FNBP4: variants seen among roughly 807,000 people sequenced by gnomAD.
The protein encoded by FNBP4 is formin-binding protein 4.
FNBP4 carries 34 observed loss-of-function variants against 119.3 expected under a neutral mutation model. The observed-to-expected ratio is 0.28, with a 90% CI of 0.22 to 0.38. The LOEUF is 0.38. FNBP4 is among the 10% of genes least tolerant of loss of function. The probability of loss-of-function intolerance (pLI) is 1.00; values close to 1 mark genes in which losing one functional copy is unlikely to be tolerated. For missense variants in FNBP4, 1,112 were observed against 1,228.9 expected (o/e 0.90, Z 1.42); for synonymous variants, 462 against 430.6 (o/e 1.07, Z -0.90).
intron 8 of FNBP4, among the ~76,000 whole-genome samples, chr11:47,739,804 G>A (rs1565140059): frequency 6.6e-6 from 1 of 152,104 alleles, no homozygotes; most frequent in Non-Finnish European, 1.5e-5. Flanking sequence ...TGAGATGGGA[G>A]TTTTGCTCTT....
At position 47,753,046 on chromosome 11, in the gene FNBP4, T is replaced by C; in HGVS notation, c.507A>G (p.Pro169=). The change falls in exon 4 of 17, where the codon CCA becomes CCG. Residue 169 remains proline, a synonymous_variant. Coordinates refer to ENST00000263773, the MANE Select transcript of FNBP4 (RefSeq NM_015308.5). Reference sequence around the variant, plus strand: ...GCTCTGGTCGAGGTGGAGTTGGAGGTGGAGCAGAAGCTCCTACAGGAGCTG... The same window carrying C: ...GCTCTGGTCGAGGTGGAGTTGGAGGCGGAGCAGAAGCTCCTACAGGAGCTG... The part of the protein sequence containing the change: ...QPAAPVGASA[P]PPTPPRPEPK... The C allele has an allele frequency of 6.2e-7, 1 of 1,614,058 alleles. No homozygotes were observed. Among genetic ancestry groups the C allele is most frequent in the Non-Finnish European group, 8.5e-7 (1 of 1,180,000 alleles).
chr11:47,743,722 G>GACTCTGAAT (rs1333542943), intron 8 of FNBP4: 1 of 537,472 alleles, frequency 1.9e-6, no homozygotes, highest in Non-Finnish European at 3.3e-6. Context: ...AATGGGACTG[G>GACTCTGAAT]ACTCTGAATA....
chr11:47,746,454 AC>A (rs1397499015), intron 6 of FNBP4, 60 bp from the exon 7 acceptor site: 2 of 1,336,944 alleles, frequency 1.5e-6, no homozygotes, highest in African/African-American at 1.5e-5. Flanking sequence ...ACCTGCACAT[AC>A]ATTCAATTGC....
At chr11:47,734,626 G>GAGAC (rs539066953) in intron 9 of FNBP4, among the ~76,000 whole-genome samples, 111 of 152,258 alleles carry the variant, frequency 7.3e-4, no homozygotes, top group African/African-American at 2.3e-3. Flanking sequence ...CTAGGGGCTG[G>GAGAC]AGACAGGGGA....
Position 47,762,129 on chromosome 11 carries a change from C to T in FNBP4, c.313+3141G>A, listed in dbSNP as rs543701451. The stretch of plus-strand genomic sequence containing the variant: ...CTGGGATTAGAGGCGTGAGGCACAG[C>T]GTCTGGCTGTTTTTTTTTTTTGAGA... On this transcript the variant is annotated intron_variant, in intron 2 of 16. Transcript: ENST00000263773. Among the ~76,000 whole-genome samples the T allele has an allele frequency of 7.8e-5, 11 of 140,566 alleles. No homozygotes were observed. In the East Asian group the frequency reaches 1.9e-3, roughly 25 times the overall value. 92.2% of individuals were successfully genotyped at this position (140,566 alleles called of 152,430 possible).
chr11:47,724,171 C>T lies in FNBP4; in HGVS notation c.2321G>A (p.Ser774Asn), dbSNP rs1360952923. The change falls in exon 14 of 17, where the codon AGT becomes AAT. Residue 774 changes from serine to asparagine, a missense_variant and splice_region_variant. Physicochemically the swap from Ser to Asn is conservative, Grantham distance 46 (BLOSUM62 1). Transcript: ENST00000263773. ...SAQTTVVTSQSSVDSTISSSS... is the reference protein window; with the variant it reads ...SAQTTVVTSQNSVDSTISSSS... ...ACTAGAGATGGTGGAATCAACTGAA[C>T]TCTGAAACACAAACATTTGTTATCA... The T allele has an allele frequency of 1.2e-6, 2 of 1,613,906 alleles. No homozygotes were observed. Among genetic ancestry groups the T allele is most frequent in the South Asian group, 2.2e-5 (2 of 91,054 alleles).
Position 47,756,956 on chromosome 11 carries a change from C to T in FNBP4, c.314-2292G>A, listed in dbSNP as rs557100895. Reference sequence around the variant, plus strand: ...ATCCAGTCTATCATTGATGGACATTCGGGTTGGTTCCAAGTCTTTGCTATT... The same window carrying T: ...ATCCAGTCTATCATTGATGGACATTTGGGTTGGTTCCAAGTCTTTGCTATT... On this transcript the variant is annotated intron_variant, in intron 2 of 16. Coordinates refer to ENST00000263773, the MANE Select transcript of FNBP4 (RefSeq NM_015308.5). 1.1e-3 allele frequency among the ~76,000 whole-genome samples: 165 copies of T among 152,146 alleles called. 1 individual carries two copies. Among genetic ancestry groups the T allele is most frequent in the African/African-American group, 3.6e-3 (150 of 41,506 alleles).
Position 47,731,509 on chromosome 11 carries a change from C to T in FNBP4, c.1873G>A (p.Glu625Lys), listed in dbSNP as rs1482431497. The T allele has an allele frequency of 2.5e-6, 4 of 1,613,910 alleles. No individual in the cohort carries two copies. Among genetic ancestry groups the T allele is most frequent in the Non-Finnish European group, 2.5e-6 (3 of 1,179,966 alleles). The stretch of plus-strand genomic sequence containing the variant: ...TCTTCCTCTTCACCATCTGGAAACT[C>T]CCACTGAGACTCGCCCGACTGTTCG... ...VNEQSGESQWEFPDGEEEEEE... is the reference protein window; with the variant it reads ...VNEQSGESQWKFPDGEEEEEE... Residue 625 changes from glutamate to lysine, a missense_variant, in exon 12 of 17, where the codon GAG becomes AAG. Glu to Lys is a moderately conservative substitution (Grantham distance 56, BLOSUM62 1). Around this residue, in one of 2 missense-constraint regions of FNBP4, gnomAD observed 826 missense variants for 988.8 expected, o/e 0.84. Coordinates refer to ENST00000263773, the MANE Select transcript of FNBP4 (RefSeq NM_015308.5).
intron 12 of FNBP4, chr11:47,730,277 CTCT>C: frequency 1.0e-6 from 1 of 976,102 alleles, no homozygotes. Context: ...AAAAGAAAAT[CTCT>C]TCATGTAAAA....
chr11:47,719,842 T>C, intron 16 of FNBP4, 87 bp downstream of exon 16: 2 of 1,391,160 alleles, frequency 1.4e-6, no homozygotes, highest in Non-Finnish European at 2.0e-6. Flanking sequence ...TTCTAATGCA[T>C]CTATAACAAC....
rs1255677208 is a variant in FNBP4, at chr11:47,762,826, C to T, written c.313+2444G>A. Among the ~76,000 whole-genome samples the T allele has an allele frequency of 2.0e-5, 3 of 149,712 alleles. No homozygotes were observed. In the East Asian group the frequency reaches 6.1e-4, roughly 30 times the overall value. ...TTGGAAGGCTGAGGAAGGAGAATCG[C>T]CGGAGCCCAGGACACAGAGACTGCA... On this transcript the variant is annotated intron_variant, in intron 2 of 16. Coordinates refer to ENST00000263773, the MANE Select transcript of FNBP4 (RefSeq NM_015308.5).
chr11:47,731,286 T>C (rs2097567095), intron 12 of FNBP4, 88 bp downstream of exon 12: 1 of 1,251,192 alleles, frequency 8.0e-7, no homozygotes, highest in Non-Finnish European at 1.1e-6. Context: ...TATATTATTA[T>C]GACATAAAAT....
At chr11:47,749,451 C>T (rs1434206215) in intron 6 of FNBP4, among the ~76,000 whole-genome samples, 1 of 151,912 alleles carries the variant, frequency 6.6e-6, no homozygotes, top group Non-Finnish European at 1.5e-5. Flanking sequence ...CCAAGCTACT[C>T]GGGAAGTTGA....
chr11:47,741,919 A>AT (rs1491235740), intron 8 of FNBP4, among the ~76,000 whole-genome samples: 2 of 152,004 alleles, frequency 1.3e-5, no homozygotes, highest in South Asian at 2.1e-4. Flanking sequence ...AAATGCAGCA[A>AT]TTTTTTTTAG....
At chr11:47,745,868 A>C (rs971112369) in intron 7 of FNBP4, among the ~76,000 whole-genome samples, 188 bp downstream of exon 7, 6 of 152,152 alleles carry the variant, frequency 3.9e-5, no homozygotes, top group Non-Finnish European at 8.8e-5. Context: ...ATAACTACCA[A>C]AAGTATCATC....
chr11:47,753,046 T>A lies in FNBP4; in HGVS notation c.507A>T (p.Pro169=). The stretch of plus-strand genomic sequence containing the variant: ...GCTCTGGTCGAGGTGGAGTTGGAGG[T>A]GGAGCAGAAGCTCCTACAGGAGCTG... The part of the protein sequence containing the change: ...QPAAPVGASA[P]PPTPPRPEPK... The change falls in exon 4 of 17, where the codon CCA becomes CCT. Residue 169 remains proline, a synonymous_variant. Coordinates refer to ENST00000263773, the MANE Select transcript of FNBP4 (RefSeq NM_015308.5). The A allele has an allele frequency of 6.2e-7, 1 of 1,614,058 alleles. No individual in the cohort carries two copies. Among genetic ancestry groups the A allele is most frequent in the Non-Finnish European group, 8.5e-7 (1 of 1,180,000 alleles).
rs2097568523 is a variant in FNBP4, at chr11:47,732,436, C to G, written c.1820+101G>C. The G allele has an allele frequency of 8.9e-6, 14 of 1,569,194 alleles. No individual in the cohort carries two copies. Among genetic ancestry groups the G allele is most frequent in the Non-Finnish European group, 1.2e-5 (14 of 1,156,260 alleles). On this transcript the variant is annotated intron_variant, in intron 11 of 16. Coordinates refer to ENST00000263773, the MANE Select transcript of FNBP4 (RefSeq NM_015308.5). The surrounding 1 kb of genome is among the most constrained non-coding windows in gnomAD (Gnocchi z 4.2). ...CCCAGCACCGCTAACTGCAGCTGCTCTCAGTCTCCAGACAGGCTGTCATGT... is the reference window on the plus strand; with the variant it reads ...CCCAGCACCGCTAACTGCAGCTGCTGTCAGTCTCCAGACAGGCTGTCATGT...
intron 6 of FNBP4, among the ~76,000 whole-genome samples, chr11:47,747,286 C>A (rs529812655): frequency 2.0e-5 from 3 of 152,164 alleles, no homozygotes; most frequent in Admixed American, 6.5e-5. Flanking sequence ...CTCACTGCAA[C>A]GTCTGCCTCC....
In FNBP4 at chr11:47,724,021, C is replaced by A. The variant is rs2097558449; in HGVS notation, c.2464+7G>T. Reference sequence around the variant, plus strand: ...TTGAGGAAAAACCACGCTCTATGCACAATTACCTGTAGCTATAGCTGACTG... The same window carrying A: ...TTGAGGAAAAACCACGCTCTATGCAAAATTACCTGTAGCTATAGCTGACTG... On this transcript the variant is annotated splice_region_variant and intron_variant, in intron 14 of 16. Coordinates refer to ENST00000263773, the MANE Select transcript of FNBP4 (RefSeq NM_015308.5). 1 of 1,613,204 alleles carries A rather than the reference C, an allele frequency of 6.2e-7. No homozygotes were observed. Among genetic ancestry groups the A allele is most frequent in the South Asian group, 1.1e-5 (1 of 90,944 alleles).
Sources: gnomAD v4.1 joint callset for allele counts (sites outside exome capture counted in the v4.1 genomes callset) on GRCh38, gnomAD v4.1.1 for gene constraint, gnomAD v4.1.1 regional missense constraint, Gnocchi (gnomAD v3.1) non-coding constraint, MANE v1.5 for transcripts, NCBI Gene and HGNC (gene_info 2026-07-23, HGNC 2026-07-21) for gene names.